Variants in SMARCD1 observed in about 807,000 individuals in gnomAD.
SMARCD1 encodes SWI/SNF related BAF chromatin remodeling complex subunit D1, also known as SWI/SNF-related matrix-associated actin-dependent regulator of chromatin subfamily D member 1.
A neutral mutation model predicts 70.8 loss-of-function variants in SMARCD1; 16 were observed. The ratio of observed to expected loss-of-function variants is 0.23; its 90% CI spans 0.15 to 0.34. SMARCD1 has a LOEUF of 0.34. Among genes scored for constraint, SMARCD1 ranks in the 10% least tolerant of loss-of-function variants. SMARCD1 has a pLI of 1.00. For synonymous variants in SMARCD1, 249 were observed against 246.0 expected, an observed-to-expected ratio of 1.01 and a Z score of -0.11; for missense variants, 409 against 655.5, an observed-to-expected ratio of 0.62 and a Z score of 4.11.
At chr12:50,092,104 A>G (rs1950849126) in intron 9 of SMARCD1, among the ~76,000 whole-genome samples, 1 of 152,066 alleles carries the variant, frequency 6.6e-6, no homozygotes, top group South Asian at 2.1e-4. Flanking sequence ...AGGCATCTCT[A>G]GATAGGGGGT....
At chr12:50,092,791 A>G (rs1293981386) in intron 9 of SMARCD1, among the ~76,000 whole-genome samples, 1 of 151,808 alleles carries the variant, frequency 6.6e-6, no homozygotes, top group East Asian at 1.9e-4. Context: ...AGACCCAGCT[A>G]CTCCAGAGGC....
chr12:50,087,231 A>G, intron 4 of SMARCD1, 132 bp from the exon 5 acceptor site: 1 of 1,093,908 alleles, frequency 9.1e-7, no homozygotes, highest in South Asian at 1.5e-5. Context: ...TGGAATCTTC[A>G]TCCACCCACC....
At chr12:50,091,275 A>AT (rs1231476985) in intron 9 of SMARCD1, among the ~76,000 whole-genome samples, 305 of 139,352 alleles carry the variant, frequency 2.2e-3, no homozygotes, top group Admixed American at 5.9e-3. Flanking sequence ...TGAAATCAGA[A>AT]TTTTTTTTTT....
chr12:50,095,373 C>A (rs554553390), intron 10 of SMARCD1, among the ~76,000 whole-genome samples: 9 of 151,690 alleles, frequency 5.9e-5, no homozygotes, highest in African/African-American at 1.7e-4. Flanking sequence ...GCCGCTCAGG[C>A]TGGAGTGCAA....
Position 50,086,747 on chromosome 12 carries a change from G to A in SMARCD1, c.409-9G>A. On this transcript the variant is annotated splice_polypyrimidine_tract_variant and intron_variant, in intron 3 of 12. Transcript: ENST00000394963. Reference sequence around the variant, plus strand: ...ATCCTAGATTTCAATTAATTTTTCTGTTCCTAAGATTCGTGAACTGGTACC... The same window carrying A: ...ATCCTAGATTTCAATTAATTTTTCTATTCCTAAGATTCGTGAACTGGTACC... The A allele has an allele frequency of 1.9e-6, 3 of 1,614,076 alleles. No homozygotes were observed. The highest frequency in any genetic ancestry group is 1.7e-6 in the Non-Finnish European group (2 of 1,180,004).
In SMARCD1 at chr12:50,099,752, C is replaced by T. The variant is rs1950923094; in HGVS notation, c.*752C>T. ...TTGGGTGGGGGAATCTTGCCTTTCCCTTTCAGAGCCCCAGGGATCTCATCT... is the reference window on the plus strand; with the variant it reads ...TTGGGTGGGGGAATCTTGCCTTTCCTTTTCAGAGCCCCAGGGATCTCATCT... On this transcript the variant is annotated 3_prime_UTR_variant, in exon 13 of 13. Transcript: ENST00000394963. 6.2e-6 allele frequency: 1 copy of T among 160,316 alleles called. No individual in the cohort carries two copies. Among genetic ancestry groups the T allele is most frequent in the African/African-American group, 2.4e-5 (1 of 41,750 alleles). The allele number at this position is 160,316 out of a possible 1,614,324, so 9.9% of individuals were successfully genotyped here. A position where few individuals can be genotyped will look rare whatever the true frequency, so the allele number is the denominator to read the frequency against.
chr12:50,092,245 T>TC (rs1950851866), intron 9 of SMARCD1, among the ~76,000 whole-genome samples: 2 of 141,774 alleles, frequency 1.4e-5, no homozygotes, highest in Non-Finnish European at 3.1e-5. Context: ...CTTTTTTTTT[T>TC]TTTTTTTTTT....
At chr12:50,098,060 G>A (rs1347038065) in intron 11 of SMARCD1, among the ~76,000 whole-genome samples, 1 of 152,156 alleles carries the variant, frequency 6.6e-6, no homozygotes, top group African/African-American at 2.4e-5. Context: ...CAAGAAGATA[G>A]GAATGGGCAC....
At position 50,086,028 on chromosome 12, in the gene SMARCD1, TCTC is replaced by T. The variant is rs898204360; in HGVS notation, c.178-129_178-127del. ...TGGAGTCACTACTGGAGCAAAGGGTTCTCCTCTCATTGTCCTCCATTCCATCCC... is the reference window on the plus strand; with the variant it reads ...TGGAGTCACTACTGGAGCAAAGGGTTCTCTCATTGTCCTCCATTCCATCCC... On this transcript the variant is annotated intron_variant, in intron 1 of 12. Transcript: ENST00000394963. The T allele has an allele frequency of 6.0e-5, 36 of 604,328 alleles. No individual in the cohort carries two copies. In the South Asian group the frequency reaches 1.3e-3, roughly 21 times the overall value. 37.4% of individuals were successfully genotyped at this position (604,328 alleles called of 1,614,324 possible).
Position 50,086,291 on chromosome 12 carries a change from C to T in SMARCD1, c.308C>T (p.Pro103Leu), listed in dbSNP as rs767276698. The T allele has an allele frequency of 1.9e-6, 3 of 1,613,120 alleles. No individual in the cohort carries two copies. In the Admixed American group the frequency reaches 5.0e-5, roughly 27 times the overall value. The stretch of plus-strand genomic sequence containing the variant: ...GGGATGGATCAGTCCCGCAAGAGAC[C>T]TGCCCCTCAGCAGATCCAGCAGGTC... ...QSGMDQSRKRPAPQQIQQVQQ... is the reference protein window; with the variant it reads ...QSGMDQSRKRLAPQQIQQVQQ... The change falls in exon 2 of 13, where the codon CCT becomes CTT. Residue 103 changes from proline (P) to leucine (L), a missense_variant. Physicochemically the swap from Pro to Leu is moderately conservative, Grantham distance 98. Transcript: ENST00000394963.
rs1393630579 is a variant in SMARCD1 at position 50,100,095 on chromosome 12, C to G, written c.*1095C>G. 1.3e-5 allele frequency: 2 copies of G among 152,778 alleles called. No individual in the cohort carries two copies. Among genetic ancestry groups the G allele is most frequent in the African/African-American group, 4.8e-5 (2 of 41,442 alleles). 9.5% of individuals were successfully genotyped at this position (152,778 alleles called of 1,614,324 possible). Reference sequence around the variant, plus strand: ...CCCCTGCCCTCAAAGCTTCAGACCCCTCAGGTAGCAGCAGGACCTTGTGAT... The same window carrying G: ...CCCCTGCCCTCAAAGCTTCAGACCCGTCAGGTAGCAGCAGGACCTTGTGAT... On this transcript the variant is annotated 3_prime_UTR_variant, in exon 13 of 13. Transcript: ENST00000394963.
At position 50,098,723 on chromosome 12, in the gene SMARCD1, G is replaced by A. The variant is rs1218967833; in HGVS notation, c.1402G>A (p.Asp468Asn). ...SQCRDLKTMT[D>N]VVGNPEEERR... ...TCTCCATTTCCCTCAGACAATGACT[G>A]ATGTGGTGGGTAACCCAGAGGAGGA... Residue 468 changes from aspartate (D) to asparagine (N), a missense_variant, in exon 12 of 13, where the codon GAT becomes AAT. Physicochemically the swap from Asp to Asn is conservative, Grantham distance 23 (BLOSUM62 1). This residue lies in a region of SMARCD1 where 269 missense variants were observed against 498.6 expected (regional missense o/e 0.54). Coordinates refer to ENST00000394963, the MANE Select transcript of SMARCD1 (RefSeq NM_003076.5). 1 of 1,613,726 alleles carries A rather than the reference G, an allele frequency of 6.2e-7. No homozygotes were observed. Among genetic ancestry groups the A allele is most frequent in the East Asian group, 2.2e-5 (1 of 44,880 alleles).
chr12:50,090,118 A>C, intron 7 of SMARCD1, 123 bp from the exon 8 acceptor site: 1 of 1,291,820 alleles, frequency 7.7e-7, no homozygotes, highest in Non-Finnish European at 1.1e-6. Flanking sequence ...GTCATCTCTG[A>C]GTTCTTCCTA....
chr12:50,086,974 C>T, intron 4 of SMARCD1, 96 bp downstream of exon 4: 1 of 1,278,348 alleles, frequency 7.8e-7, no homozygotes, highest in Non-Finnish European at 1.1e-6. Flanking sequence ...GCACAACTCT[C>T]CTTGGCATTT....
intron 5 of SMARCD1, 90 bp downstream of exon 5, chr12:50,087,575 G>C (rs1446959030): frequency 2.7e-6 from 4 of 1,456,596 alleles, no homozygotes; most frequent in Non-Finnish European, 3.8e-6. Context: ...CCTAACTGGT[G>C]CTCACAGCTC....
chr12:50,093,383 T>A (rs1473116193), intron 9 of SMARCD1, among the ~76,000 whole-genome samples: 1 of 152,048 alleles, frequency 6.6e-6, no homozygotes, highest in African/African-American at 2.4e-5. Flanking sequence ...ACACTAGCGT[T>A]GAATTCCTGG....
chr12:50,089,105 A>G (rs940162414), intron 6 of SMARCD1: 35 of 152,482 alleles, frequency 2.3e-4, no homozygotes, highest in African/African-American at 7.2e-4. Context: ...CAATTCACCA[A>G]AAATCCTTTA....
At chr12:50,090,737 A>G (rs1170360336) in intron 9 of SMARCD1, 147 bp downstream of exon 9, 2 of 550,070 alleles carry the variant, frequency 3.6e-6, no homozygotes, top group Non-Finnish European at 6.4e-6. Flanking sequence ...ACATAAACTT[A>G]TAATTAAATA....
In SMARCD1 at chr12:50,092,235, CTTTTTTTTTTTTT is replaced by C. The variant is rs60619880; in HGVS notation, c.1133+1655_1133+1667del. 1.9e-4 allele frequency among the ~76,000 whole-genome samples: 17 copies of C among 91,148 alleles called. 1 individual carries two copies. The highest frequency in any genetic ancestry group is 7.5e-4 in the African/African-American group (17 of 22,612). The allele number at this position is 91,148 out of a possible 152,430, so 59.8% of individuals were successfully genotyped here. ...TTCTTTTCTTTTCTTTTCTTTCTTT[CTTTTTTTTTTTTT>C]TTTTTTTTTGAGACAGACAGAATCT... is the stretch of plus-strand genomic sequence containing the variant. On this transcript the variant is annotated intron_variant, in intron 9 of 12. Coordinates refer to ENST00000394963, the MANE Select transcript of SMARCD1 (RefSeq NM_003076.5).
Sources: gnomAD v4.1 joint callset for allele counts (sites outside exome capture counted in the v4.1 genomes callset) on GRCh38, gnomAD v4.1.1 for gene constraint, gnomAD v4.1.1 regional missense constraint, MANE v1.5 for transcripts, NCBI Gene and HGNC (gene_info 2026-07-23, HGNC 2026-07-21) for gene names.